GRAP2: variants seen among roughly 807,000 people sequenced by gnomAD.
GRAP2 encodes the protein GRB2 related adaptor protein 2.
Under a neutral mutation model 43.5 loss-of-function variants are expected in GRAP2, and 31 were observed. The observed-to-expected ratio is 0.71, with a 90% CI of 0.54 to 0.96. The LOEUF (loss-of-function observed/expected upper bound fraction) is 0.96. Ranked by LOEUF, GRAP2 falls within the 40% of genes least tolerant of loss-of-function variation. The pLI is 0.00. For synonymous variants in GRAP2, 156 were observed against 164.8 expected (o/e 0.95, Z 0.41); for missense variants, 371 against 424.4 (o/e 0.87, Z 1.11).
chr22:39,948,201 A>G (rs1285280788), intron 2 of GRAP2: 3 of 152,334 alleles, frequency 2.0e-5, no homozygotes, highest in African/African-American at 4.8e-5. Flanking sequence ...GAATATGAAC[A>G]TGCCCATTAG....
chr22:39,964,666 G>T, intron 4 of GRAP2: 2 of 517,196 alleles, frequency 3.9e-6, no homozygotes, highest in Non-Finnish European at 6.9e-6. Context: ...CCTATAGTTG[G>T]AATTAAGTGT....
intron 6 of GRAP2, 53 bp from the exon 7 acceptor site, chr22:39,969,358 G>C: frequency 1.2e-6 from 2 of 1,606,720 alleles, no homozygotes; most frequent in Non-Finnish European, 1.7e-6. Flanking sequence ...TGGGGGAACC[G>C]GTGGGAGATG....
At chr22:39,920,472 C>G (rs902213514) in intron 1 of GRAP2, among the ~76,000 whole-genome samples, 2 of 152,184 alleles carry the variant, frequency 1.3e-5, no homozygotes, top group African/African-American at 4.8e-5. Context: ...GCCTGGTTCT[C>G]CGGAACCAGC....
intron 3 of GRAP2, among the ~76,000 whole-genome samples, chr22:39,958,267 T>G (rs988493041): frequency 1.3e-5 from 2 of 152,184 alleles, no homozygotes; most frequent in Non-Finnish European, 2.9e-5. Context: ...CCTATAGGTT[T>G]AGAATGTCTC....
chr22:39,960,109 G>A lies in GRAP2; in HGVS notation c.225G>A (p.Lys75=). 6.2e-7 allele frequency: 1 copy of A among 1,612,988 alleles called. No individual in the cohort carries two copies. Among genetic ancestry groups the A allele is most frequent in the South Asian group, 1.1e-5 (1 of 91,064 alleles). Residue 75 remains lysine (K), a synonymous_variant, in exon 4 of 8, where the codon AAG becomes AAA. Coordinates refer to ENST00000344138, the MANE Select transcript of GRAP2 (RefSeq NM_004810.4). The part of the protein sequence containing the change: ...RHQAENLLMG[K]EVGFFIIRAS... ...AGGCAGAGAACTTACTCATGGGCAA[G>A]GAGGTTGGCTTCTTCATCATCCGGG...
intron 4 of GRAP2, among the ~76,000 whole-genome samples, chr22:39,961,209 C>T (rs1207522218): frequency 1.3e-5 from 2 of 152,104 alleles, no homozygotes; most frequent in Non-Finnish European, 2.9e-5. Context: ...CTGCCTTGGC[C>T]TCCCCCATAG....
intron 1 of GRAP2, among the ~76,000 whole-genome samples, chr22:39,927,041 C>T (rs1382516894): frequency 2.0e-5 from 3 of 152,196 alleles, no homozygotes; most frequent in Admixed American, 6.5e-5. Flanking sequence ...ACTAGAATTG[C>T]TTCTCCCAGA....
chr22:39,958,506 G>A (rs1263692519), intron 3 of GRAP2, among the ~76,000 whole-genome samples: 11 of 152,160 alleles, frequency 7.2e-5, no homozygotes, highest in Admixed American at 3.9e-4. Flanking sequence ...CCAGTGCCCA[G>A]GAGGGGCCCA....
rs1459423848 is a variant in GRAP2, at chr22:39,973,702, C to G, written c.*2618C>G. ...AAGAGAGCTCAACCCCCCTCAGCCTCTGGTGCTGCCAGGGGGAGCCCCTCC... is the reference window on the plus strand; with the variant it reads ...AAGAGAGCTCAACCCCCCTCAGCCTGTGGTGCTGCCAGGGGGAGCCCCTCC... On this transcript the variant is annotated 3_prime_UTR_variant, in exon 8 of 8. Transcript: ENST00000344138. 1 of 152,230 alleles carries G rather than the reference C, an allele frequency of 6.6e-6. No homozygotes were observed. The highest frequency in any genetic ancestry group is 2.4e-5 in the African/African-American group (1 of 41,448). The allele number at this position is 152,230 out of a possible 1,614,324, so 9.4% of individuals were successfully genotyped here.
intron 1 of GRAP2, among the ~76,000 whole-genome samples, chr22:39,911,463 G>A (rs951275074): frequency 1.3e-4 from 19 of 151,634 alleles, no homozygotes; most frequent in Non-Finnish European, 2.4e-4. Flanking sequence ...TTAGGTTTCC[G>A]TCAGACTTTT....
At chr22:39,959,966 C>T (rs1169047384) in intron 3 of GRAP2, 89 bp from the exon 4 acceptor site, 1 of 1,251,492 alleles carries the variant, frequency 8.0e-7, no homozygotes, top group East Asian at 2.3e-5. Context: ...TCCCCAGCCT[C>T]TTTCCCTCTG....
At chr22:39,935,653 G>A (rs1458458639) in intron 1 of GRAP2, among the ~76,000 whole-genome samples, 4 of 152,150 alleles carry the variant, frequency 2.6e-5, no homozygotes, top group Non-Finnish European at 4.4e-5. Flanking sequence ...AATGAAGCAA[G>A]GGGAGCTTCT....
intron 1 of GRAP2, among the ~76,000 whole-genome samples, chr22:39,924,422 CG>C (rs1327033655): frequency 6.6e-6 from 1 of 152,182 alleles, no homozygotes; most frequent in Non-Finnish European, 1.5e-5. Context: ...AATGCATGGT[CG>C]GGCGCGGTGG....
At chr22:39,930,689 C>T (rs2066747538) in intron 1 of GRAP2, among the ~76,000 whole-genome samples, 1 of 152,198 alleles carries the variant, frequency 6.6e-6, no homozygotes, top group African/African-American at 2.4e-5. Flanking sequence ...TGTCCAATGA[C>T]TTCCCATCAT....
Position 39,972,808 on chromosome 22 carries a change from G to A in GRAP2, c.*1724G>A, listed in dbSNP as rs1359486779. On this transcript the variant is annotated 3_prime_UTR_variant, in exon 8 of 8. Transcript: ENST00000344138. ...GTGGAGGCAGGAGGGAGTCGAGTGT[G>A]AGTAAGGAGCACCTGCAGCTTTTGG... 6.5e-6 allele frequency: 1 copy of A among 152,794 alleles called. No individual in the cohort carries two copies. The highest frequency in any genetic ancestry group is 1.5e-5 in the Non-Finnish European group (1 of 68,140). The allele number at this position is 152,794 out of a possible 1,614,324, so 9.5% of individuals were successfully genotyped here. A position where few individuals can be genotyped will look rare whatever the true frequency, so the allele number is the denominator to read the frequency against.
intron 1 of GRAP2, among the ~76,000 whole-genome samples, chr22:39,904,057 A>G (rs1477277495): frequency 6.6e-6 from 1 of 152,264 alleles, no homozygotes; most frequent in Admixed American, 6.5e-5. Context: ...AAAGTCTTAT[A>G]TACTCTCCAA....
chr22:39,909,249 A>C (rs970466472), intron 1 of GRAP2, among the ~76,000 whole-genome samples: 2 of 152,254 alleles, frequency 1.3e-5, no homozygotes, highest in Admixed American at 6.5e-5. Context: ...GTATCCAAAT[A>C]ATCAAAGAAG....
intron 2 of GRAP2, among the ~76,000 whole-genome samples, chr22:39,952,873 T>G (rs1470180539): frequency 6.6e-6 from 1 of 152,216 alleles, no homozygotes; most frequent in Non-Finnish European, 1.5e-5. Flanking sequence ...AGGGCTCATT[T>G]GATCCTCACA....
chr22:39,901,191 T>C lies in GRAP2; in HGVS notation c.-154T>C, dbSNP rs1308347430. 2.5e-5 allele frequency: 18 copies of C among 731,270 alleles called. No homozygotes were observed. The South Asian group carries it at 2.6e-4, about 10-fold the overall frequency. The allele number at this position is 731,270 out of a possible 1,614,324, so 45.3% of individuals were successfully genotyped here. A position where few individuals can be genotyped will look rare whatever the true frequency, so the allele number is the denominator to read the frequency against. On this transcript the variant is annotated 5_prime_UTR_variant, in exon 1 of 8. It removes an upstream start codon present in the reference 5' UTR. Coordinates refer to ENST00000344138, the MANE Select transcript of GRAP2 (RefSeq NM_004810.4). ...TTGCACCCTCTTTCAGAGTGGTACATGGAAGACAGCACAAAGTGGATCCAT... is the reference window on the plus strand; with the variant it reads ...TTGCACCCTCTTTCAGAGTGGTACACGGAAGACAGCACAAAGTGGATCCAT...
Sources: allele counts gnomAD v4.1 joint callset (sites outside exome capture counted in the v4.1 genomes callset), GRCh38; gene constraint gnomAD v4.1.1; transcripts MANE v1.5; gene names NCBI Gene and HGNC (gene_info 2026-07-23, HGNC 2026-07-21).